Variants in CACHD1 observed in about 807,000 individuals in gnomAD.
The protein encoded by CACHD1 is VWFA and cache domain-containing protein 1.
CACHD1 carries 71 observed loss-of-function variants against 138.7 expected under a neutral mutation model. The ratio of observed to expected loss-of-function variants is 0.51; its 90% confidence interval spans 0.42 to 0.62. The LOEUF is 0.62. Among genes scored for constraint, CACHD1 ranks in the 20% least tolerant of loss-of-function variants. The probability of loss-of-function intolerance (pLI) is 0.00; values close to 1 mark genes in which losing one functional copy is unlikely to be tolerated. For missense variants in CACHD1, 1,389 were observed against 1,625.3 expected, an observed-to-expected ratio of 0.85 and a Z score of 2.50; for synonymous variants, 578 against 591.5, an observed-to-expected ratio of 0.98 and a Z score of 0.33.
At chr1:64,492,609 A>C (rs1478319063) in intron 1 of CACHD1, among the ~76,000 whole-genome samples, 2 of 151,676 alleles carry the variant, frequency 1.3e-5, no homozygotes, top group East Asian at 4.0e-4. Flanking sequence ...CGGAAACAAT[A>C]AGCTCCAGGT....
At chr1:64,479,451 G>T (rs955798488) in intron 1 of CACHD1, among the ~76,000 whole-genome samples, 5 of 152,124 alleles carry the variant, frequency 3.3e-5, no homozygotes, top group African/African-American at 9.7e-5. Flanking sequence ...CTCCCAGAAG[G>T]CTCCTTTTTG....
intron 2 of CACHD1, among the ~76,000 whole-genome samples, chr1:64,580,761 T>A (rs1323095788): frequency 1.3e-5 from 2 of 152,160 alleles, no homozygotes; most frequent in Non-Finnish European, 2.9e-5. Context: ...TTTAGGAGAA[T>A]CCCTGGCCTC....
intron 1 of CACHD1, among the ~76,000 whole-genome samples, chr1:64,518,659 A>C (rs374211340): frequency 6.6e-6 from 1 of 152,172 alleles, no homozygotes. Flanking sequence ...GCCATGTCTA[A>C]GCTGGAGTTT....
rs1342037907 is a variant in CACHD1 at position 64,515,736 on chromosome 1, G to A, written c.199-34858G>A. On this transcript the variant is annotated intron_variant, in intron 1 of 26. Transcript: ENST00000651257. ...ATGTATGAAGAAAGGCCTGTTATCT[G>A]ACACTATTTGGGGATGCAGGTGGTC... 3.3e-5 allele frequency among the ~76,000 whole-genome samples: 5 copies of A among 152,150 alleles called. No individual in the cohort carries two copies. In the South Asian group the frequency reaches 1.0e-3, roughly 32 times the overall value.
intron 3 of CACHD1, among the ~76,000 whole-genome samples, chr1:64,601,915 C>T (rs1647218841): frequency 1.3e-5 from 2 of 152,170 alleles, no homozygotes; most frequent in African/African-American, 4.8e-5. Flanking sequence ...AAATAGTTTA[C>T]TTAGAAGTTC....
In CACHD1 at chr1:64,691,620, A is replaced by G; in HGVS notation, c.*59A>G. On this transcript the variant is annotated 3_prime_UTR_variant, in exon 27 of 27. Coordinates refer to ENST00000651257, the MANE Select transcript of CACHD1 (RefSeq NM_020925.4). ...GGGAGCTACAGAATGTTCTGGAAAG[A>G]AAAAGAACCGGCTTAAAACCCACAG... 6.6e-7 allele frequency: 1 copy of G among 1,520,240 alleles called. No individual in the cohort carries two copies. The highest frequency in any genetic ancestry group is 9.1e-7 in the Non-Finnish European group (1 of 1,098,718). 94.2% of individuals were successfully genotyped at this position (1,520,240 alleles called of 1,614,324 possible). A position where few individuals can be genotyped will look rare whatever the true frequency, so the allele number is the denominator to read the frequency against.
intron 10 of CACHD1, 104 bp from the exon 11 acceptor site, chr1:64,653,654 G>A (rs1570454930): frequency 8.9e-7 from 1 of 1,119,756 alleles, no homozygotes; most frequent in Admixed American, 2.2e-5. Context: ...ATGAGAAGTT[G>A]AGTATCGGGC....
At chr1:64,530,203 A>T (rs1251185856) in intron 1 of CACHD1, among the ~76,000 whole-genome samples, 1 of 152,190 alleles carries the variant, frequency 6.6e-6, no homozygotes. Flanking sequence ...CTGATTCCTG[A>T]TGCTTGAACA....
chr1:64,676,235 ATG>A (rs1391830119), intron 21 of CACHD1, among the ~76,000 whole-genome samples: 1 of 152,104 alleles, frequency 6.6e-6, no homozygotes, highest in Non-Finnish European at 1.5e-5. Flanking sequence ...ATACAAAAAA[ATG>A]TGAGAATGTT....
intron 1 of CACHD1, among the ~76,000 whole-genome samples, chr1:64,513,566 G>C (rs1054514926): frequency 1.3e-5 from 2 of 152,208 alleles, no homozygotes; most frequent in African/African-American, 4.8e-5. Flanking sequence ...AAATCTGTAA[G>C]ATTCAGGAGA....
At chr1:64,581,970 A>G (rs1340020801) in intron 2 of CACHD1, among the ~76,000 whole-genome samples, 186 bp from the exon 3 acceptor site, 1 of 152,160 alleles carries the variant, frequency 6.6e-6, no homozygotes, top group African/African-American at 2.4e-5. Context: ...TCCTTCTATG[A>G]CTTCTGGGCA....
At chr1:64,587,490 C>T (rs1267904828) in intron 3 of CACHD1, among the ~76,000 whole-genome samples, 1 of 152,102 alleles carries the variant, frequency 6.6e-6, no homozygotes, top group Non-Finnish European at 1.5e-5. Context: ...TACTTTCCTT[C>T]TCAGACCAGT....
At chr1:64,522,419 T>C (rs1646505168) in intron 1 of CACHD1, among the ~76,000 whole-genome samples, 1 of 152,132 alleles carries the variant, frequency 6.6e-6, no homozygotes, top group African/African-American at 2.4e-5. Context: ...GCAATTCTCC[T>C]GCCTCAGCCT....
intron 1 of CACHD1, among the ~76,000 whole-genome samples, chr1:64,532,859 C>CGAG (rs1221708136): frequency 6.6e-6 from 1 of 151,906 alleles, no homozygotes; most frequent in Non-Finnish European, 1.5e-5. Context: ...AAGCTTGTAA[C>CGAG]GAGGAGGAGG....
intron 1 of CACHD1, among the ~76,000 whole-genome samples, chr1:64,525,649 A>G (rs963321518): frequency 1.3e-5 from 2 of 152,232 alleles, no homozygotes; most frequent in Non-Finnish European, 2.9e-5. Flanking sequence ...TCGTAAATAT[A>G]AAGGTCATCT....
intron 1 of CACHD1, among the ~76,000 whole-genome samples, chr1:64,527,646 A>G (rs1646551306): frequency 6.6e-6 from 1 of 152,240 alleles, no homozygotes; most frequent in African/African-American, 2.4e-5. Flanking sequence ...TAACGATTAT[A>G]GTTTAAAACC....
At chr1:64,617,039 A>G (rs11589001) in intron 4 of CACHD1, among the ~76,000 whole-genome samples, 7,842 of 151,880 alleles carry the variant, frequency 0.052, 241 homozygotes, top group Middle Eastern at 0.075. Flanking sequence ...AAAGACAGAG[A>G]AAGAAGTGAA....
chr1:64,536,403 A>G (rs1646632954), intron 1 of CACHD1, among the ~76,000 whole-genome samples: 1 of 152,136 alleles, frequency 6.6e-6, no homozygotes, highest in Admixed American at 6.5e-5. Context: ...CTTGGTGGGG[A>G]GAATAATTTG....
chr1:64,471,108 A>G (rs1454615262), intron 1 of CACHD1, among the ~76,000 whole-genome samples, 166 bp downstream of exon 1: 2 of 151,904 alleles, frequency 1.3e-5, no homozygotes, highest in African/African-American at 4.8e-5. Flanking sequence ...CCCTGACAAT[A>G]CACCAACTCT....
Sources: gnomAD v4.1 joint callset for allele counts (sites outside exome capture counted in the v4.1 genomes callset) on GRCh38, gnomAD v4.1.1 for gene constraint, MANE v1.5 for transcripts, NCBI Gene and HGNC (gene_info 2026-07-23, HGNC 2026-07-21) for gene names.